PAK1: variants seen among roughly 807,000 people sequenced by gnomAD.
PAK1 encodes the protein serine/threonine-protein kinase PAK 1.
A neutral mutation model predicts 67.4 loss-of-function variants in PAK1; 29 were observed. That is an observed-to-expected ratio of 0.43 (90% CI 0.32 to 0.59). The LOEUF is 0.59. PAK1 is among the 20% of genes least tolerant of loss of function. PAK1 has a pLI of 0.07. For missense variants in PAK1, 337 were observed against 670.7 expected (o/e 0.50, Z 5.50); for synonymous variants, 223 against 237.4 (o/e 0.94, Z 0.56).
chr11:77,324,731 G>C (rs1939292339), intron 14 of PAK1, among the ~76,000 whole-genome samples: 1 of 150,160 alleles, frequency 6.7e-6, no homozygotes, highest in Non-Finnish European at 1.5e-5. Flanking sequence ...CCCTTGATTA[G>C]TCATATTGTA....
chr11:77,501,348 G>A, the PAK1 span, among the ~76,000 whole-genome samples: 7 of 152,206 alleles, frequency 4.6e-5, no homozygotes, highest in East Asian at 3.9e-4. Flanking sequence ...CACTCCACCC[G>A]GACTCAGTCT....
chr11:77,513,322 A>G, the PAK1 span, among the ~76,000 whole-genome samples: 14 of 152,172 alleles, frequency 9.2e-5, no homozygotes, highest in Admixed American at 2.6e-4. Context: ...CTTAGTTGAT[A>G]TTACCTCTCT....
chr11:77,452,983 T>C (rs1191913295), intron 1 of PAK1, among the ~76,000 whole-genome samples: 1 of 152,182 alleles, frequency 6.6e-6, no homozygotes, highest in Non-Finnish European at 1.5e-5. Flanking sequence ...TTACTAGTAT[T>C]ACAGAACAAA....
intron 1 of PAK1, among the ~76,000 whole-genome samples, chr11:77,448,944 G>A (rs1956734206): frequency 6.6e-6 from 1 of 152,088 alleles, no homozygotes; most frequent in Non-Finnish European, 1.5e-5. Flanking sequence ...CTGACCCAAG[G>A]GACAGATTTA....
At chr11:77,431,199 TTAC>T (rs941877407) in intron 1 of PAK1, among the ~76,000 whole-genome samples, 94 of 152,216 alleles carry the variant, frequency 6.2e-4, no homozygotes, top group African/African-American at 2.2e-3. Flanking sequence ...TTGCTAGTAT[TTAC>T]TACATTATCT....
chr11:77,395,344 G>A (rs1951696625), intron 1 of PAK1, among the ~76,000 whole-genome samples: 1 of 152,082 alleles, frequency 6.6e-6, no homozygotes, highest in Non-Finnish European at 1.5e-5. Context: ...TGTCATCTTT[G>A]CAATCCAACA....
intron 1 of PAK1, among the ~76,000 whole-genome samples, chr11:77,409,425 T>C (rs1954158085): frequency 1.3e-5 from 2 of 152,152 alleles, no homozygotes; most frequent in Admixed American, 6.6e-5. Context: ...AGAACTATCA[T>C]GATTCAGCAA....
intron 1 of PAK1, among the ~76,000 whole-genome samples, chr11:77,425,132 G>A (rs1293948498): frequency 6.6e-6 from 1 of 152,020 alleles, no homozygotes; most frequent in Admixed American, 6.6e-5. Context: ...TTTTTTTTAA[G>A]TGATAATAAA....
the PAK1 span, among the ~76,000 whole-genome samples, chr11:77,513,569 T>A: frequency 7.0e-6 from 1 of 143,664 alleles, no homozygotes; most frequent in Non-Finnish European, 1.5e-5. Flanking sequence ...TTCTAGGGAG[T>A]CTGAGGTGGG....
At chr11:77,378,576 C>G (rs1260991523) in intron 4 of PAK1, among the ~76,000 whole-genome samples, 1 of 152,032 alleles carries the variant, frequency 6.6e-6, no homozygotes, top group Non-Finnish European at 1.5e-5. Flanking sequence ...TCAATCAGCT[C>G]ACTTATTTCT....
chr11:77,502,220 T>G, the PAK1 span, among the ~76,000 whole-genome samples: 1 of 152,206 alleles, frequency 6.6e-6, no homozygotes, highest in Non-Finnish European at 1.5e-5. Flanking sequence ...TCTTAATTTT[T>G]CAGTTTTTGA....
At chr11:77,366,574 T>C (rs1021890271) in intron 5 of PAK1, among the ~76,000 whole-genome samples, 8 of 152,204 alleles carry the variant, frequency 5.3e-5, no homozygotes, top group Non-Finnish European at 1.5e-5. Context: ...AGATTGTATA[T>C]AAATGGCCAA....
At chr11:77,456,046 C>T (rs1385226730) in intron 1 of PAK1, 1 of 152,182 alleles carries the variant, frequency 6.6e-6, no homozygotes, top group East Asian at 1.9e-4. Context: ...CCTGCACCTA[C>T]AAATTCACAA....
intron 1 of PAK1, among the ~76,000 whole-genome samples, chr11:77,449,023 G>A (rs1283988202): frequency 6.6e-6 from 1 of 152,192 alleles, no homozygotes; most frequent in African/African-American, 2.4e-5. Flanking sequence ...GATATACAGG[G>A]TGAGTGTTTG....
intron 2 of PAK1, among the ~76,000 whole-genome samples, chr11:77,381,919 G>T (rs1306961024): frequency 6.6e-6 from 1 of 152,112 alleles, no homozygotes; most frequent in African/African-American, 2.4e-5. Flanking sequence ...AAGGCTAAGG[G>T]GTATACCAGG....
Position 77,355,835 on chromosome 11 carries a change from G to A in PAK1, c.605C>T (p.Thr202Ile), listed in dbSNP as rs1945960917. The A allele has an allele frequency of 1.2e-6, 2 of 1,613,124 alleles. No homozygotes were observed. Among genetic ancestry groups the A allele is most frequent in the African/African-American group, 1.3e-5 (1 of 75,014 alleles). Residue 202 changes from threonine to isoleucine, a missense_variant, in exon 7 of 15, where the codon ACA (threonine) becomes ATA (isoleucine). Transcript: ENST00000356341. The stretch of plus-strand genomic sequence containing the variant: ...AGGAAGTGGTTCAATCACAGACCGT[G>A]TGTATACCTGCATTATTAGTGCAAA... ...PRPEHTKSVY[T>I]RSVIEPLPVT...
At position 77,349,225 on chromosome 11, in the gene PAK1, T is replaced by C. The variant is rs775681843; in HGVS notation, c.885+14A>G. 3 of 1,568,458 alleles carry C rather than the reference T, an allele frequency of 1.9e-6. No individual in the cohort carries two copies. Among genetic ancestry groups the C allele is most frequent in the Non-Finnish European group, 2.6e-6 (3 of 1,147,774 alleles). ...ACAGAACTAAAGGAGCAACAGTGGG[T>C]GGTGGATACTCACCTCCTGTCCTGT... On this transcript the variant is annotated intron_variant, in intron 9 of 14. Coordinates refer to ENST00000356341, the MANE Select transcript of PAK1 (RefSeq NM_002576.5).
chr11:77,389,711 G>A (rs983832785), intron 2 of PAK1, among the ~76,000 whole-genome samples: 5 of 152,144 alleles, frequency 3.3e-5, no homozygotes, highest in East Asian at 1.9e-4. Flanking sequence ...CTTGTCTTTC[G>A]GTTGTTGACT....
At chr11:77,381,175 GTAGA>G (rs1320717147) in intron 2 of PAK1, among the ~76,000 whole-genome samples, 1 of 123,964 alleles carries the variant, frequency 8.1e-6, no homozygotes, top group Non-Finnish European at 1.7e-5. Context: ...GTGTGTGTGT[GTAGA>G]GAGAGAGAGA....
Sources: allele counts gnomAD v4.1 joint callset (sites outside exome capture counted in the v4.1 genomes callset), GRCh38; gene constraint gnomAD v4.1.1; transcripts MANE v1.5; gene names NCBI Gene and HGNC (gene_info 2026-07-23, HGNC 2026-07-21).